The following POC1B variants were observed in gnomAD, a reference collection of about 807,000 sequenced individuals.
POC1B encodes the protein POC1 centriolar protein B, also known as POC1 centriolar protein homolog B.
In POC1B, 44 loss-of-function variants were observed where a neutral mutation model predicts 60.6. The observed-to-expected ratio is 0.73, with a 90% CI of 0.57 to 0.93. The LOEUF is 0.93. Ranked by LOEUF, POC1B falls within the 40% of genes least tolerant of loss-of-function variation. The probability of loss-of-function intolerance (pLI) is 0.00; values close to 1 mark genes in which losing one functional copy is unlikely to be tolerated. For synonymous variants in POC1B, 180 were observed against 198.9 expected, an observed-to-expected ratio of 0.90 and a Z score of 0.80; for missense variants, 555 against 572.3, an observed-to-expected ratio of 0.97 and a Z score of 0.31.
intron 3 of POC1B, 89 bp downstream of exon 3, chr12:89,497,082 A>G: frequency 7.6e-7 from 1 of 1,318,530 alleles, no homozygotes; most frequent in Non-Finnish European, 1.1e-6. Context: ...ATAACAGTGC[A>G]GGCAGCAGTG....
intron 2 of POC1B, 138 bp from the exon 3 acceptor site, chr12:89,497,480 T>C (rs993272145): frequency 1.3e-6 from 1 of 782,418 alleles, no homozygotes; most frequent in Non-Finnish European, 2.0e-6. Context: ...GCCCAGGTAA[T>C]AGCCAAATTA....
intron 11 of POC1B, 59 bp from the exon 12 acceptor site, chr12:89,421,316 G>C (rs1212117089): frequency 7.3e-7 from 1 of 1,365,158 alleles, no homozygotes; most frequent in African/African-American, 1.4e-5. Context: ...GGATGACAAT[G>C]ACAATCTCTG....
At chr12:89,459,276 G>A (rs1411687550) in intron 10 of POC1B, among the ~76,000 whole-genome samples, 1 of 151,854 alleles carries the variant, frequency 6.6e-6, no homozygotes, top group Non-Finnish European at 1.5e-5. Flanking sequence ...GGGTGGCAGG[G>A]GGAGGGATAG....
chr12:89,437,320 C>A (rs773986364), intron 10 of POC1B, among the ~76,000 whole-genome samples: 9 of 152,112 alleles, frequency 5.9e-5, no homozygotes, highest in Admixed American at 2.6e-4. Context: ...ATCCAAATAC[C>A]TCCAAAAACC....
intron 10 of POC1B, among the ~76,000 whole-genome samples, chr12:89,458,668 C>T (rs1344683): frequency 0.72 from 109,072 of 152,088 alleles, 39,214 homozygotes; most frequent in Middle Eastern, 0.82. Context: ...AAATACTATT[C>T]TTGAGATCTA....
chr12:89,445,305 C>A (rs906901903), intron 10 of POC1B, among the ~76,000 whole-genome samples: 1 of 152,144 alleles, frequency 6.6e-6, no homozygotes, highest in Admixed American at 6.5e-5. Context: ...CCAAGACAAT[C>A]CTAAGCCAAA....
At chr12:89,487,391 G>C (rs182350883) in intron 4 of POC1B, among the ~76,000 whole-genome samples, 11 of 152,280 alleles carry the variant, frequency 7.2e-5, no homozygotes, top group African/African-American at 2.6e-4. Flanking sequence ...ATTGATAAAG[G>C]GGAAGAACAT....
chr12:89,488,961 C>T (rs576552119), intron 4 of POC1B, among the ~76,000 whole-genome samples: 15 of 152,266 alleles, frequency 9.9e-5, no homozygotes, highest in Middle Eastern at 3.4e-3. Context: ...TCATACCTGA[C>T]CCACCCCAGA....
At chr12:89,438,372 G>A (rs1881367582) in intron 10 of POC1B, among the ~76,000 whole-genome samples, 1 of 152,196 alleles carries the variant, frequency 6.6e-6, no homozygotes, top group Non-Finnish European at 1.5e-5. Context: ...CAGGAGAATG[G>A]CGTGAAGCCG....
chr12:89,525,432 T>C (rs1871373013), intron 1 of POC1B: 2 of 1,378,180 alleles, frequency 1.5e-6, no homozygotes, highest in Admixed American at 6.9e-5. Flanking sequence ...AAACGCTCTG[T>C]TCGCGCTTCC....
chr12:89,522,678 C>T (rs1343231245), intron 2 of POC1B: 13 of 1,184,850 alleles, frequency 1.1e-5, no homozygotes, highest in Non-Finnish European at 1.5e-5. Flanking sequence ...CAAAATGAAC[C>T]CCAGCTTTCC....
chr12:89,491,792 C>G, intron 4 of POC1B, 144 bp downstream of exon 4: 2 of 585,158 alleles, frequency 3.4e-6, no homozygotes, highest in Non-Finnish European at 5.4e-6. Context: ...TGTTTACTAC[C>G]GTTCCCGCAC....
Position 89,425,232 on chromosome 12 carries a change from G to T in POC1B, c.1261C>A (p.Gln421Lys). 1 of 1,614,138 alleles carries T rather than the reference G, an allele frequency of 6.2e-7. No homozygotes were observed. The highest frequency in any genetic ancestry group is 8.5e-7 in the Non-Finnish European group (1 of 1,180,022). ...EDMSDLPCES[Q>K]RSIPLAVTDA... ...GTCACAGCGAGAGGTATGCTCCTTTGACTTTCACAGGGGAGGTCACTCATG... is the reference window on the plus strand; with the variant it reads ...GTCACAGCGAGAGGTATGCTCCTTTTACTTTCACAGGGGAGGTCACTCATG... Residue 421 changes from glutamine (Q) to lysine (K), a missense_variant, in exon 11 of 12, where the codon CAA becomes AAA. Transcript: ENST00000313546.
chr12:89,500,725 TAA>T, intron 2 of POC1B: 1 of 1,272,720 alleles, frequency 7.9e-7, no homozygotes, highest in Non-Finnish European at 1.1e-6. Context: ...ACTTTGAAGA[TAA>T]AGTTATTTTA....
At chr12:89,524,411 T>C in intron 2 of POC1B, 1 of 1,614,026 alleles carries the variant, frequency 6.2e-7, no homozygotes, top group Admixed American at 1.7e-5. Context: ...GAGAGCCTTC[T>C]TGACCCCAGC....
At chr12:89,411,507 C>T in the POC1B span, among the ~76,000 whole-genome samples, 1 of 152,176 alleles carries the variant, frequency 6.6e-6, no homozygotes, top group Admixed American at 6.5e-5. Flanking sequence ...TAAATTAGGA[C>T]CCTCCTAGGC....
intron 3 of POC1B, among the ~76,000 whole-genome samples, chr12:89,494,525 G>A (rs1869145689): frequency 6.6e-6 from 1 of 152,124 alleles, no homozygotes; most frequent in Middle Eastern, 3.2e-3. Flanking sequence ...GGGAGGTGTT[G>A]TGAGAGGAGG....
chr12:89,492,284 C>A (rs1007152492), intron 3 of POC1B, among the ~76,000 whole-genome samples, 169 bp from the exon 4 acceptor site: 4 of 151,998 alleles, frequency 2.6e-5, no homozygotes, highest in Non-Finnish European at 4.4e-5. Flanking sequence ...TCTTCGTCAA[C>A]ACTGAAATTT....
intron 10 of POC1B, among the ~76,000 whole-genome samples, chr12:89,435,701 G>T (rs1029155407): frequency 1.3e-5 from 2 of 152,008 alleles, no homozygotes; most frequent in African/African-American, 4.8e-5. Flanking sequence ...TACATAGAAA[G>T]ATTTTTTTTC....
Sources: allele counts gnomAD v4.1 joint callset (sites outside exome capture counted in the v4.1 genomes callset), GRCh38; gene constraint gnomAD v4.1.1; transcripts MANE v1.5; gene names NCBI Gene and HGNC (gene_info 2026-07-23, HGNC 2026-07-21).